Variants in WIPF2 observed in about 807,000 individuals in gnomAD.
WIPF2 encodes WAS/WASL-interacting protein family member 2.
In WIPF2, 23 loss-of-function variants were observed where a neutral mutation model predicts 38.8. The ratio of observed to expected loss-of-function variants is 0.59; its 90% CI spans 0.43 to 0.84. The LOEUF (loss-of-function observed/expected upper bound fraction) is 0.84, where lower values mean the gene tolerates loss of function less well. Among genes scored for constraint, WIPF2 ranks in the 40% least tolerant of loss-of-function variants. The pLI is 0.00. For missense variants in WIPF2, 574 were observed against 580.5 expected (o/e 0.99, Z 0.11); for synonymous variants, 210 against 223.2 (o/e 0.94, Z 0.53).
intron 1 of WIPF2, among the ~76,000 whole-genome samples, chr17:40,250,322 C>A (rs2031517628): frequency 6.8e-6 from 1 of 147,514 alleles, no homozygotes; most frequent in Non-Finnish European, 1.5e-5. Flanking sequence ...GCTCTGCCTC[C>A]CGGGTTCACG....
At chr17:40,229,581 C>T (rs1333719201) in intron 1 of WIPF2, among the ~76,000 whole-genome samples, 1 of 152,020 alleles carries the variant, frequency 6.6e-6, no homozygotes, top group Non-Finnish European at 1.5e-5. Flanking sequence ...CCATGTCTGG[C>T]TAATTTTTTC....
intron 1 of WIPF2, among the ~76,000 whole-genome samples, chr17:40,222,654 GTTTTT>G (rs58758484): frequency 2.7e-3 from 144 of 52,748 alleles, no homozygotes; most frequent in East Asian, 0.01. Flanking sequence ...TGCATATTCA[GTTTTT>G]TTTTTTTTTT....
At chr17:40,224,806 G>T (rs1433162922) in intron 1 of WIPF2, among the ~76,000 whole-genome samples, 1 of 151,944 alleles carries the variant, frequency 6.6e-6, no homozygotes, top group Non-Finnish European at 1.5e-5. Context: ...GCAAAGAATA[G>T]TTGTAGAGAC....
intron 1 of WIPF2, among the ~76,000 whole-genome samples, chr17:40,247,801 T>C (rs1244859327): frequency 6.6e-6 from 1 of 152,138 alleles, no homozygotes; most frequent in Non-Finnish European, 1.5e-5. Context: ...GATTATAGGC[T>C]GAGCCAGTGC....
chr17:40,220,414 G>A (rs2030127706), intron 1 of WIPF2: 1 of 150,054 alleles, frequency 6.7e-6, no homozygotes, highest in African/African-American at 2.5e-5. Flanking sequence ...TTTCTTTTAA[G>A]AGACGTGGTC....
chr17:40,264,408 G>T, intron 4 of WIPF2, 82 bp from the exon 5 acceptor site: 1 of 1,132,224 alleles, frequency 8.8e-7, no homozygotes, highest in South Asian at 1.2e-5. Flanking sequence ...CATGCAGGTT[G>T]CACTAAGGAG....
At chr17:40,275,655 C>T (rs1019828967) in intron 6 of WIPF2, among the ~76,000 whole-genome samples, 1 of 152,070 alleles carries the variant, frequency 6.6e-6, no homozygotes, top group African/African-American at 2.4e-5. Context: ...TCTCGACCTC[C>T]CAGGCTCAAG....
At chr17:40,239,652 G>T (rs982716270) in intron 1 of WIPF2, among the ~76,000 whole-genome samples, 23 of 150,676 alleles carry the variant, frequency 1.5e-4, no homozygotes, top group Admixed American at 1.5e-3. Context: ...ACTGCCCTTA[G>T]CTGTGACTAG....
At chr17:40,250,836 G>A (rs552556449) in intron 1 of WIPF2, among the ~76,000 whole-genome samples, 7 of 151,706 alleles carry the variant, frequency 4.6e-5, no homozygotes, top group African/African-American at 1.5e-4. Context: ...GGAGGCTGAG[G>A]CAGAAGGATC....
chr17:40,238,157 C>T (rs919488289), intron 1 of WIPF2, among the ~76,000 whole-genome samples: 1 of 151,810 alleles, frequency 6.6e-6, no homozygotes, highest in African/African-American at 2.4e-5. Flanking sequence ...ACCCCTGTCT[C>T]CAAGGGCTCT....
intron 4 of WIPF2, among the ~76,000 whole-genome samples, chr17:40,263,553 C>CT (rs1397643112): frequency 7.0e-6 from 1 of 143,782 alleles, no homozygotes; most frequent in African/African-American, 2.5e-5. Flanking sequence ...TCGTCCCCCC[C>CT]CCCCCCGCAA....
intron 1 of WIPF2, among the ~76,000 whole-genome samples, chr17:40,235,189 C>G (rs113315175): frequency 0.014 from 2,206 of 152,214 alleles, 56 homozygotes; most frequent in African/African-American, 0.05. Flanking sequence ...GCCACCACGC[C>G]CAGCCCATTG....
chr17:40,265,314 A>G (rs574263960), intron 5 of WIPF2, among the ~76,000 whole-genome samples, 168 bp downstream of exon 5: 4 of 152,278 alleles, frequency 2.6e-5, no homozygotes, highest in Admixed American at 2.6e-4. Flanking sequence ...TAGAAAAGAC[A>G]AAAAAATTTG....
chr17:40,251,324 A>G (rs972299908), intron 1 of WIPF2, among the ~76,000 whole-genome samples: 15 of 151,784 alleles, frequency 9.9e-5, no homozygotes, highest in Non-Finnish European at 1.8e-4. Context: ...AAATGTTATG[A>G]ATTGTTTTGG....
chr17:40,264,360 CA>C, intron 4 of WIPF2, 129 bp from the exon 5 acceptor site: 2 of 286,122 alleles, frequency 7.0e-6, no homozygotes, highest in Non-Finnish European at 6.4e-6. Flanking sequence ...AAAAGAAAAA[CA>C]AAAAACCCAG....
chr17:40,229,917 A>C (rs1316303400), intron 1 of WIPF2, among the ~76,000 whole-genome samples: 1 of 152,130 alleles, frequency 6.6e-6, no homozygotes, highest in African/African-American at 2.4e-5. Flanking sequence ...GGCACAGGTG[A>C]ATGTCCTGAG....
intron 2 of WIPF2, among the ~76,000 whole-genome samples, chr17:40,259,879 G>T (rs1197617837): frequency 6.6e-6 from 1 of 152,104 alleles, no homozygotes; most frequent in East Asian, 1.9e-4. Context: ...TCATAGTAGG[G>T]ACTCACTAAA....
At chr17:40,248,220 T>C (rs2145339478) in intron 1 of WIPF2, among the ~76,000 whole-genome samples, 1 of 145,064 alleles carries the variant, frequency 6.9e-6, no homozygotes, top group African/African-American at 2.6e-5. Context: ...GCTGGAGTGC[T>C]GTTGCACAAT....
chr17:40,247,512 C>G (rs185705730), intron 1 of WIPF2, among the ~76,000 whole-genome samples: 1 of 149,634 alleles, frequency 6.7e-6, no homozygotes, highest in African/African-American at 2.5e-5. Flanking sequence ...AGCCAACGCG[C>G]CTGGCCTTTT....
Sources: gnomAD v4.1 joint callset for allele counts (sites outside exome capture counted in the v4.1 genomes callset) on GRCh38, gnomAD v4.1.1 for gene constraint, MANE v1.5 for transcripts, NCBI Gene and HGNC (gene_info 2026-07-23, HGNC 2026-07-21) for gene names.